The following DLGAP2 variants were observed in gnomAD, a reference collection of about 807,000 sequenced individuals.
DLGAP2 encodes the protein disks large-associated protein 2.
A neutral mutation model predicts 100.3 loss-of-function variants in DLGAP2; 26 were observed. That is an observed-to-expected ratio of 0.26 (90% CI 0.19 to 0.36). The LOEUF is 0.36. Ranked by LOEUF, DLGAP2 falls within the 10% of genes least tolerant of loss-of-function variation. The pLI is 1.00. For missense variants in DLGAP2, 1,858 were observed against 1,453.2 expected (o/e 1.28, Z -4.53); for synonymous variants, 886 against 630.1 (o/e 1.41, Z -6.08).
chr8:973,821 C>T (rs1182536859), intron 2 of DLGAP2, among the ~76,000 whole-genome samples: 15 of 151,116 alleles, frequency 9.9e-5, no homozygotes, highest in Admixed American at 2.6e-4. Context: ...CCCGTGGCCC[C>T]GCGGCGGTCC....
chr8:1,128,378 G>A (rs984909059), intron 2 of DLGAP2, among the ~76,000 whole-genome samples: 1 of 152,228 alleles, frequency 6.6e-6, no homozygotes, highest in South Asian at 2.1e-4. Context: ...TGTGTTCTGT[G>A]AGGGCCTGCA....
chr8:1,130,086 TGTCAGACACTTCACGCGAGTTAAGGGATC>T (rs1259680757), intron 2 of DLGAP2, among the ~76,000 whole-genome samples: 867 of 3,542 alleles, frequency 0.24, 8 homozygotes, highest in African/African-American at 0.42. Flanking sequence ...TAAGGGATCG[TGTCAGACACTTCACGCGAGTTAAGGGATC>T]GTGTCAGACA....
In DLGAP2 at chr8:1,043,738, T is replaced by C. The variant is rs533607844; in HGVS notation, c.73+135772T>C. ...TGTTCTGGCCTGTTAGGTTGTCAAA[T>C]AGTAATAATGCCCAGGTTTCTGTGC... On this transcript the variant is annotated intron_variant, in intron 2 of 14. Transcript: ENST00000637795. Among the ~76,000 whole-genome samples the C allele has an allele frequency of 2.3e-3, 352 of 152,056 alleles. 2 individuals carry two copies. Among genetic ancestry groups the C allele is most frequent in the African/African-American group, 8.0e-3 (332 of 41,440 alleles).
At chr8:854,623 A>G (rs138881232) in intron 1 of DLGAP2, among the ~76,000 whole-genome samples, 34 of 152,250 alleles carry the variant, frequency 2.2e-4, no homozygotes, top group African/African-American at 7.9e-4. Flanking sequence ...ATGTTCATGC[A>G]TGTACGTGTC....
intron 2 of DLGAP2, among the ~76,000 whole-genome samples, chr8:1,197,351 T>G (rs1408069370): frequency 6.6e-6 from 1 of 152,250 alleles, no homozygotes; most frequent in Non-Finnish European, 1.5e-5. Flanking sequence ...TTCTGCTCAG[T>G]ACCTGAGCCC....
intron 1 of DLGAP2, among the ~76,000 whole-genome samples, chr8:764,526 G>A (rs1003851600): frequency 6.6e-6 from 1 of 152,190 alleles, no homozygotes; most frequent in African/African-American, 2.4e-5. Flanking sequence ...ACCTGTGGTG[G>A]AGCCCACAGA....
At chr8:1,644,076 G>A (rs35945455) in intron 8 of DLGAP2, among the ~76,000 whole-genome samples, 1 of 53,460 alleles carries the variant, frequency 1.9e-5, no homozygotes, top group East Asian at 4.1e-4. Context: ...TGTCACCCTC[G>A]ACCCCGCCGG....
At chr8:1,684,762 A>G (rs1799069188) in intron 12 of DLGAP2, among the ~76,000 whole-genome samples, 1 of 152,172 alleles carries the variant, frequency 6.6e-6, no homozygotes, top group Non-Finnish European at 1.5e-5. Flanking sequence ...GGGTAAATAC[A>G]TAAAGGAAAA....
chr8:1,494,347 G>C (rs1255458097), intron 3 of DLGAP2, among the ~76,000 whole-genome samples: 1 of 152,222 alleles, frequency 6.6e-6, no homozygotes, highest in African/African-American at 2.4e-5. Flanking sequence ...TGTGCTTTGA[G>C]TTTAAAAACC....
chr8:1,582,308 A>ACAC (rs1563235711), intron 6 of DLGAP2, among the ~76,000 whole-genome samples: 6 of 97,026 alleles, frequency 6.2e-5, no homozygotes, highest in African/African-American at 1.1e-4. Flanking sequence ...ATACAGATAA[A>ACAC]ACCTTAAAAA....
At chr8:1,140,232 G>A (rs1796498012) in intron 2 of DLGAP2, among the ~76,000 whole-genome samples, 1 of 152,130 alleles carries the variant, frequency 6.6e-6, no homozygotes, top group Non-Finnish European at 1.5e-5. Context: ...GTCCCGCTCT[G>A]CCGAGGGCAT....
intron 2 of DLGAP2, among the ~76,000 whole-genome samples, chr8:1,054,818 A>G (rs1304469081): frequency 6.6e-6 from 1 of 152,232 alleles, no homozygotes; most frequent in Non-Finnish European, 1.5e-5. Context: ...CTCTCAATCA[A>G]ATTGTAAGGA....
At position 1,632,423 on chromosome 8, in the gene DLGAP2, C is replaced by T. The variant is rs560950508; in HGVS notation, c.1591-404C>T. Among the ~76,000 whole-genome samples the T allele has an allele frequency of 5.3e-5, 8 of 152,206 alleles. No homozygotes were observed. In the South Asian group the frequency reaches 8.3e-4, roughly 16 times the overall value. ...ATACGGCCTCAGTGCCTGGAGCCAT[C>T]GTGCCATTAGTAGCTTGGAAAGGGG... On this transcript the variant is annotated intron_variant, in intron 7 of 14. Transcript: ENST00000637795.
intron 3 of DLGAP2, among the ~76,000 whole-genome samples, chr8:1,481,381 C>T (rs1363655287): frequency 6.6e-6 from 1 of 151,480 alleles, no homozygotes; most frequent in Admixed American, 6.6e-5. Flanking sequence ...ACTTTTCTTT[C>T]CAATGGCAAA....
chr8:746,167 G>A lies in DLGAP2; in HGVS notation c.18+8342G>A, dbSNP rs369013489. On this transcript the variant is annotated intron_variant, in intron 1 of 14. Transcript: ENST00000637795. ...ATGTGGAGCTTCTCAGAGAGACCAGGCCAAAGTGGGTGCCATCCCTCCAGT... is the reference window on the plus strand; with the variant it reads ...ATGTGGAGCTTCTCAGAGAGACCAGACCAAAGTGGGTGCCATCCCTCCAGT... Among the ~76,000 whole-genome samples the A allele has an allele frequency of 3.3e-5, 5 of 152,350 alleles. No individual in the cohort carries two copies. The East Asian group carries it at 9.6e-4, about 29-fold the overall frequency.
chr8:805,764 G>A (rs1486922074), intron 1 of DLGAP2, among the ~76,000 whole-genome samples: 3 of 152,152 alleles, frequency 2.0e-5, no homozygotes, highest in Non-Finnish European at 2.9e-5. Flanking sequence ...GCAGTCCGCC[G>A]GCCTTGGCCT....
intron 2 of DLGAP2, among the ~76,000 whole-genome samples, chr8:921,832 G>A (rs534315699): frequency 6.6e-6 from 1 of 152,332 alleles, no homozygotes; most frequent in East Asian, 1.9e-4. Flanking sequence ...GCCGGGCCAG[G>A]GTCCTCACCC....
At chr8:1,330,746 G>A (rs1295042275) in intron 3 of DLGAP2, among the ~76,000 whole-genome samples, 3 of 141,106 alleles carry the variant, frequency 2.1e-5, no homozygotes, top group Admixed American at 2.1e-4. Context: ...ACTGAGTTCT[G>A]GGTGGGAGCA....
intron 1 of DLGAP2, among the ~76,000 whole-genome samples, chr8:790,499 A>G (rs1821997155): frequency 6.6e-6 from 1 of 152,210 alleles, no homozygotes. Context: ...AGAGATCAGA[A>G]TGTAGCAAGA....
Sources: allele counts gnomAD v4.1 joint callset (sites outside exome capture counted in the v4.1 genomes callset), GRCh38; gene constraint gnomAD v4.1.1; transcripts MANE v1.5; gene names NCBI Gene and HGNC (gene_info 2026-07-23, HGNC 2026-07-21).